Variants in KIF3B observed in about 807,000 individuals in gnomAD.
KIF3B encodes the protein kinesin-like protein KIF3B.
A neutral mutation model predicts 74.3 loss-of-function variants in KIF3B; 38 were observed. That is an observed-to-expected ratio of 0.51 (90% CI 0.39 to 0.67). KIF3B has a LOEUF of 0.67. KIF3B is among the 30% of genes least tolerant of loss of function. The pLI, the probability that KIF3B is intolerant of heterozygous loss-of-function variation, is 0.00. For missense variants in KIF3B, 649 were observed against 932.0 expected (o/e 0.70, Z 3.95); for synonymous variants, 326 against 342.5 (o/e 0.95, Z 0.53).
intron 5 of KIF3B, among the ~76,000 whole-genome samples, chr20:32,322,776 A>T (rs868036433): frequency 8.1e-4 from 26 of 32,132 alleles, no homozygotes; most frequent in African/African-American, 4.1e-3. Flanking sequence ...ATTTATATAT[A>T]TATTTATATA....
chr20:32,318,562 G>T (rs1402269268), intron 5 of KIF3B, among the ~76,000 whole-genome samples: 1 of 152,134 alleles, frequency 6.6e-6, no homozygotes, highest in Non-Finnish European at 1.5e-5. Context: ...CACACTGTGT[G>T]GCCTTTTTGG....
At chr20:32,329,008 A>G (rs1175897753) in intron 7 of KIF3B, among the ~76,000 whole-genome samples, 2 of 152,176 alleles carry the variant, frequency 1.3e-5, no homozygotes, top group Non-Finnish European at 2.9e-5. Context: ...CCTGGGTTCA[A>G]GCAATTCTGG....
At chr20:32,292,241 T>C (rs1217309540) in intron 1 of KIF3B, among the ~76,000 whole-genome samples, 1 of 152,078 alleles carries the variant, frequency 6.6e-6, no homozygotes, top group Non-Finnish European at 1.5e-5. Flanking sequence ...AGCTTGGTCC[T>C]TGTACATTTC....
At chr20:32,328,764 G>C (rs1184043335) in intron 7 of KIF3B, among the ~76,000 whole-genome samples, 1 of 152,108 alleles carries the variant, frequency 6.6e-6, no homozygotes, top group African/African-American at 2.4e-5. Flanking sequence ...CTGTCGTAAA[G>C]AACTTCAGGT....
At chr20:32,311,481 CGAGGT>C (rs2047800673) in intron 2 of KIF3B, among the ~76,000 whole-genome samples, 4 of 10 alleles carry the variant, frequency 0.4, 2 homozygotes, top group Non-Finnish European at 1. Flanking sequence ...GGGCGGATCA[CGAGGT>C]CAGGAGATCG....
At chr20:32,293,490 G>C (rs1443641558) in intron 1 of KIF3B, among the ~76,000 whole-genome samples, 2 of 151,818 alleles carry the variant, frequency 1.3e-5, no homozygotes, top group Admixed American at 1.3e-4. Context: ...TGTACCTGTA[G>C]TCCCAGCTAC....
chr20:32,283,832 C>T (rs1008296770), intron 1 of KIF3B, among the ~76,000 whole-genome samples: 3 of 152,050 alleles, frequency 2.0e-5, no homozygotes, highest in Non-Finnish European at 2.9e-5. Context: ...TTTGTAGAGA[C>T]GGGTCTTACT....
At chr20:32,291,893 A>T (rs888617280) in intron 1 of KIF3B, among the ~76,000 whole-genome samples, 1 of 148,618 alleles carries the variant, frequency 6.7e-6, no homozygotes, top group Non-Finnish European at 1.5e-5. Context: ...CTGGGATTAC[A>T]GGTGTGAGCC....
intron 5 of KIF3B, among the ~76,000 whole-genome samples, chr20:32,323,615 G>C (rs1343199485): frequency 6.6e-6 from 1 of 151,934 alleles, no homozygotes; most frequent in African/African-American, 2.4e-5. Flanking sequence ...ATGGTGGCTC[G>C]TACCTGTAAT....
intron 2 of KIF3B, 74 bp downstream of exon 2, chr20:32,311,255 C>T: frequency 1.4e-6 from 2 of 1,443,664 alleles, no homozygotes; most frequent in Non-Finnish European, 1.8e-6. Flanking sequence ...CAACAAAAAA[C>T]ATAACCATAT....
At position 32,309,799 on chromosome 20, in the gene KIF3B, GAGTC is replaced by G; in HGVS notation, c.29_32del (p.Val10GlyfsTer9). ...CATCATGTCAAAGTTGAAAAGCTCAGAGTCAGTCAGGGTGGTGGTTCGCTGTCGG... is the reference window on the plus strand; with the variant it reads ...CATCATGTCAAAGTTGAAAAGCTCAGAGTCAGGGTGGTGGTTCGCTGTCGG... On this transcript the variant is annotated frameshift_variant, in exon 2 of 9. Coordinates refer to ENST00000375712, the MANE Select transcript of KIF3B (RefSeq NM_004798.4). LOFTEE classifies it high-confidence loss of function. The G allele has an allele frequency of 6.2e-7, 1 of 1,613,526 alleles. No individual in the cohort carries two copies. The highest frequency in any genetic ancestry group is 8.5e-7 in the Non-Finnish European group (1 of 1,179,660).
intron 5 of KIF3B, among the ~76,000 whole-genome samples, chr20:32,318,138 C>T (rs187206875): frequency 1.9e-3 from 294 of 152,124 alleles, no homozygotes; most frequent in Non-Finnish European, 3.4e-3. Flanking sequence ...CCCGTCTCTA[C>T]TAAAAATCCA....
intron 1 of KIF3B, among the ~76,000 whole-genome samples, chr20:32,302,598 A>G (rs927257815): frequency 2.6e-5 from 4 of 152,196 alleles, no homozygotes; most frequent in Admixed American, 1.3e-4. Flanking sequence ...TCTGTAATGC[A>G]GAAGAATCAG....
At position 32,298,804 on chromosome 20, in the gene KIF3B, A is replaced by G. The variant is rs148193189; in HGVS notation, c.-65-10909A>G. On this transcript the variant is annotated intron_variant, in intron 1 of 8. Transcript: ENST00000375712. ...CCACCTTTTTGGAGTAGCTGTAGGTAGTAGGCCACCACACTGGGCTAATTT... is the reference window on the plus strand; with the variant it reads ...CCACCTTTTTGGAGTAGCTGTAGGTGGTAGGCCACCACACTGGGCTAATTT... 8.0e-3 allele frequency among the ~76,000 whole-genome samples: 1,213 copies of G among 152,108 alleles called. 14 individuals carry two copies. Among genetic ancestry groups the G allele is most frequent in the Non-Finnish European group, 0.01 (705 of 68,004 alleles).
At chr20:32,325,974 CTT>C (rs2122716112) in intron 5 of KIF3B, among the ~76,000 whole-genome samples, 1 of 152,106 alleles carries the variant, frequency 6.6e-6, no homozygotes, top group South Asian at 2.1e-4. Context: ...GCCTATATCT[CTT>C]TTTATATCTT....
intron 2 of KIF3B, among the ~76,000 whole-genome samples, chr20:32,314,670 A>G (rs2047818353): frequency 6.6e-6 from 1 of 152,240 alleles, no homozygotes; most frequent in African/African-American, 2.4e-5. Context: ...AGATGGCAGC[A>G]GAGCTCCAGT....
intron 1 of KIF3B, among the ~76,000 whole-genome samples, chr20:32,287,968 C>T (rs745683272): frequency 3.4e-5 from 5 of 148,356 alleles, no homozygotes; most frequent in African/African-American, 5.0e-5. Flanking sequence ...CTGCAACCTC[C>T]GCCTCCTGGG....
Position 32,331,546 on chromosome 20 carries a change from G to A in KIF3B, c.*227G>A, listed in dbSNP as rs575683531. On this transcript the variant is annotated 3_prime_UTR_variant, in exon 9 of 9. Transcript: ENST00000375712. The stretch of plus-strand genomic sequence containing the variant: ...TTAATTAGCATCTCAGAAATGCATG[G>A]GTAAGGTAAAGTGCGATAGTTCAAG... The A allele has an allele frequency of 5.6e-6, 3 of 535,734 alleles. No homozygotes were observed. The highest frequency in any genetic ancestry group is 5.2e-5 in the South Asian group (2 of 38,556). The allele number at this position is 535,734 out of a possible 1,614,324, so 33.2% of individuals were successfully genotyped here.
chr20:32,293,969 A>G (rs545431118), intron 1 of KIF3B, among the ~76,000 whole-genome samples: 2 of 152,262 alleles, frequency 1.3e-5, no homozygotes, highest in African/African-American at 4.8e-5. Context: ...CCTTGGGCAA[A>G]TTAATTTCCC....
Sources: allele counts gnomAD v4.1 joint callset (sites outside exome capture counted in the v4.1 genomes callset), GRCh38; gene constraint gnomAD v4.1.1; transcripts MANE v1.5; gene names NCBI Gene and HGNC (gene_info 2026-07-23, HGNC 2026-07-21).